Variants in DPP10 observed in about 807,000 individuals in gnomAD.
DPP10 encodes dipeptidyl peptidase like 10.
Under a neutral mutation model 120.9 loss-of-function variants are expected in DPP10, and 33 were observed. That is an observed-to-expected ratio of 0.27 (90% confidence interval 0.21 to 0.37). The LOEUF is 0.37. DPP10 is among the 10% of genes least tolerant of loss of function. The pLI, the probability that DPP10 is intolerant of heterozygous loss-of-function variation, is 1.00. For missense variants in DPP10, 816 were observed against 942.8 expected (o/e 0.87, Z 1.76); for synonymous variants, 337 against 326.1 (o/e 1.03, Z -0.36).
chr2:115,416,861 G>C (rs1004882500), intron 3 of DPP10, among the ~76,000 whole-genome samples: 1 of 152,104 alleles, frequency 6.6e-6, no homozygotes, highest in Admixed American at 6.6e-5. Flanking sequence ...TATATAAAGA[G>C]ATTGAAATTT....
intron 19 of DPP10, among the ~76,000 whole-genome samples, chr2:115,808,966 TA>T (rs35490231): frequency 6.6e-6 from 1 of 151,984 alleles, no homozygotes; most frequent in African/African-American, 2.4e-5. Context: ...TTATGACTTA[TA>T]AAAAAAGGAA....
intron 1 of DPP10, among the ~76,000 whole-genome samples, chr2:115,265,268 C>CATATATATATATATAT (rs55778302): frequency 2.8e-5 from 4 of 142,494 alleles, no homozygotes; most frequent in African/African-American, 1.0e-4. Context: ...CTTTGGATTC[C>CATATATATATATATAT]ATATATATAT....
chr2:115,524,289 C>A (rs1227816279), intron 4 of DPP10, among the ~76,000 whole-genome samples: 1 of 152,140 alleles, frequency 6.6e-6, no homozygotes, highest in Admixed American at 6.6e-5. Context: ...TGTGAGGGTT[C>A]TCATTACCCC....
chr2:114,561,496 A>G (rs1209593812), intron 1 of DPP10, among the ~76,000 whole-genome samples: 2 of 152,176 alleles, frequency 1.3e-5, no homozygotes, highest in East Asian at 3.9e-4. Flanking sequence ...ATGTGCACAC[A>G]TATACAGAAA....
chr2:114,909,582 C>T (rs1041427566), intron 1 of DPP10, among the ~76,000 whole-genome samples: 10 of 151,948 alleles, frequency 6.6e-5, no homozygotes, highest in Non-Finnish European at 1.2e-4. Flanking sequence ...AGATGTATAG[C>T]GTTCTTAGTC....
intron 1 of DPP10, among the ~76,000 whole-genome samples, chr2:114,483,113 AT>A (rs1681207439): frequency 6.6e-6 from 1 of 152,186 alleles, no homozygotes; most frequent in African/African-American, 2.4e-5. Flanking sequence ...TGTAAATGAT[AT>A]CTTAACAGAA....
At chr2:114,494,547 G>A (rs763686483) in intron 1 of DPP10, among the ~76,000 whole-genome samples, 7 of 152,176 alleles carry the variant, frequency 4.6e-5, no homozygotes, top group Non-Finnish European at 7.4e-5. Flanking sequence ...AAGAAACCAG[G>A]ATGAATAATG....
intron 1 of DPP10, among the ~76,000 whole-genome samples, chr2:114,498,178 C>T (rs1395319961): frequency 2.0e-5 from 3 of 152,142 alleles, no homozygotes; most frequent in African/African-American, 7.2e-5. Flanking sequence ...TATGGTAGGA[C>T]ATTTGAAATT....
At chr2:114,687,813 C>T (rs1221567717) in intron 1 of DPP10, among the ~76,000 whole-genome samples, 3 of 151,952 alleles carry the variant, frequency 2.0e-5, no homozygotes, top group African/African-American at 4.8e-5. Context: ...GGCATAGACT[C>T]GAGTTCAGGT....
intron 1 of DPP10, among the ~76,000 whole-genome samples, chr2:114,732,766 C>T (rs1348054284): frequency 1.3e-5 from 2 of 152,134 alleles, no homozygotes; most frequent in Non-Finnish European, 2.9e-5. Flanking sequence ...ATAGTATACT[C>T]TTACTATATG....
chr2:115,113,551 C>T (rs1573660875), intron 1 of DPP10, among the ~76,000 whole-genome samples: 1 of 152,232 alleles, frequency 6.6e-6, no homozygotes, highest in East Asian at 1.9e-4. Flanking sequence ...CACTAGCGTG[C>T]AGATTGAGTA....
intron 3 of DPP10, among the ~76,000 whole-genome samples, chr2:115,386,151 G>T (rs1405817340): frequency 6.6e-6 from 1 of 152,148 alleles, no homozygotes; most frequent in African/African-American, 2.4e-5. Flanking sequence ...AAGGAGGAAA[G>T]AGTAATTAAA....
intron 1 of DPP10, among the ~76,000 whole-genome samples, chr2:114,545,191 G>A (rs929685404): frequency 6.6e-6 from 1 of 152,054 alleles, no homozygotes; most frequent in East Asian, 1.9e-4. Flanking sequence ...TGAAATTAAT[G>A]TATTTTGTAA....
chr2:114,598,338 A>G (rs1692094711), intron 1 of DPP10, among the ~76,000 whole-genome samples: 1 of 151,902 alleles, frequency 6.6e-6, no homozygotes, highest in Admixed American at 6.6e-5. Flanking sequence ...TGCCTTAAGA[A>G]GGTGAATGAA....
At chr2:115,381,315 A>T (rs547452209) in intron 3 of DPP10, among the ~76,000 whole-genome samples, 2 of 151,670 alleles carry the variant, frequency 1.3e-5, no homozygotes, top group Non-Finnish European at 2.9e-5. Flanking sequence ...ATCTTCCATC[A>T]CTAATACCCT....
intron 1 of DPP10, among the ~76,000 whole-genome samples, chr2:114,585,340 ACT>A (rs773452900): frequency 6.6e-6 from 1 of 151,642 alleles, no homozygotes; most frequent in Non-Finnish European, 1.5e-5. Flanking sequence ...CCTCTCGTTG[ACT>A]CTCTCATTCT....
intron 1 of DPP10, among the ~76,000 whole-genome samples, chr2:115,274,301 T>C (rs573134942): frequency 2.0e-4 from 31 of 152,314 alleles, no homozygotes; most frequent in Non-Finnish European, 4.1e-4. Flanking sequence ...CCCTGTCGTT[T>C]CCTATTGAGG....
At chr2:115,100,337 T>A (rs1253633786) in intron 1 of DPP10, among the ~76,000 whole-genome samples, 1 of 152,106 alleles carries the variant, frequency 6.6e-6, no homozygotes, top group South Asian at 2.1e-4. Flanking sequence ...TAGTCCTAGC[T>A]ACTTGGGAGG....
At chr2:115,482,437 T>G (rs150730753) in intron 3 of DPP10, among the ~76,000 whole-genome samples, 1 of 152,090 alleles carries the variant, frequency 6.6e-6, no homozygotes, top group Non-Finnish European at 1.5e-5. Context: ...ATTCATTGTT[T>G]TTAGTATATT....
Sources: allele counts gnomAD v4.1 joint callset (sites outside exome capture counted in the v4.1 genomes callset), GRCh38; gene constraint gnomAD v4.1.1; transcripts MANE v1.5; gene names NCBI Gene and HGNC (gene_info 2026-07-23, HGNC 2026-07-21).